The following WDPCP variants were observed in gnomAD, a reference collection of about 807,000 sequenced individuals.
WDPCP encodes the protein WD repeat containing planar cell polarity effector.
In WDPCP, 71 loss-of-function variants were observed where a neutral mutation model predicts 93.1. The ratio of observed to expected loss-of-function variants is 0.76; its 90% CI spans 0.63 to 0.93. WDPCP has a LOEUF of 0.93. WDPCP is among the 40% of genes least tolerant of loss of function. WDPCP has a pLI of 0.00. For missense variants in WDPCP, 844 were observed against 887.4 expected, an observed-to-expected ratio of 0.95 and a Z score of 0.62; for synonymous variants, 315 against 315.0, an observed-to-expected ratio of 1.00 and a Z score of 0.00.
chr2:63,400,129 T>C (rs1246427961), intron 10 of WDPCP, among the ~76,000 whole-genome samples: 1 of 152,218 alleles, frequency 6.6e-6, no homozygotes, highest in Non-Finnish European at 1.5e-5. Context: ...TTTTTACACC[T>C]AAGTGAGGTT....
chr2:63,740,603 T>G (rs959518314), intron 2 of WDPCP, among the ~76,000 whole-genome samples: 1 of 152,180 alleles, frequency 6.6e-6, no homozygotes, highest in African/African-American at 2.4e-5. Context: ...AAGTATATTA[T>G]GAATGGGAAG....
At chr2:63,574,423 A>G (rs990210168) in intron 1 of WDPCP, among the ~76,000 whole-genome samples, 2 of 152,204 alleles carry the variant, frequency 1.3e-5, no homozygotes, top group African/African-American at 4.8e-5. Flanking sequence ...AGCAACTGAA[A>G]TAAGATTAGA....
At position 63,536,827 on chromosome 2, in the gene WDPCP, G is replaced by A. The variant is rs531450074; in HGVS notation, c.76-43887C>T. On this transcript the variant is annotated intron_variant, in intron 1 of 17. Transcript: ENST00000272321. ...GTTACCCAGGCTGGAGTGCAGTGGC[G>A]CGATCTTGGCTCACTGCAACCTTCG... 6.4e-3 allele frequency among the ~76,000 whole-genome samples: 917 copies of A among 142,754 alleles called. 12 individuals carry two copies. The highest frequency in any genetic ancestry group is 0.023 in the African/African-American group (864 of 37,820). The allele number at this position is 142,754 out of a possible 152,430, so 93.7% of individuals were successfully genotyped here.
intron 1 of WDPCP, among the ~76,000 whole-genome samples, chr2:63,562,507 GAACTTAA>G (rs887214930): frequency 6.6e-6 from 1 of 151,930 alleles, no homozygotes; most frequent in African/African-American, 2.4e-5. Flanking sequence ...ATGTATCCTG[GAACTTAA>G]AACTTTAAAA....
At chr2:63,359,358 G>A (rs907063653) in intron 12 of WDPCP, among the ~76,000 whole-genome samples, 7 of 152,164 alleles carry the variant, frequency 4.6e-5, no homozygotes, top group South Asian at 2.1e-4. Flanking sequence ...AATAGGCAAC[G>A]GACATGAAAA....
At chr2:63,563,789 A>C (rs2106428362) in intron 1 of WDPCP, among the ~76,000 whole-genome samples, 1 of 152,236 alleles carries the variant, frequency 6.6e-6, no homozygotes, top group South Asian at 2.1e-4. Flanking sequence ...CTTCTACCAC[A>C]CAGCAAGAAG....
chr2:63,827,990 G>A (rs892767597), upstream of WDPCP: 1 of 152,192 alleles, frequency 6.6e-6, no homozygotes, highest in Non-Finnish European at 1.5e-5. Flanking sequence ...GCAAGAATTT[G>A]AGTCTGGCAC....
chr2:63,188,044 T>C (rs1674771010), intron 14 of WDPCP, among the ~76,000 whole-genome samples: 1 of 152,252 alleles, frequency 6.6e-6, no homozygotes. Flanking sequence ...AGGTTTCTAT[T>C]GAGAAATCTG....
At chr2:63,532,536 T>G (rs184946917) in intron 1 of WDPCP, among the ~76,000 whole-genome samples, 1 of 152,150 alleles carries the variant, frequency 6.6e-6, no homozygotes, top group Non-Finnish European at 1.5e-5. Context: ...CAAGCCAGAA[T>G]ACAGTGGGGG....
At chr2:63,762,498 C>T (rs1207136470) in intron 2 of WDPCP, among the ~76,000 whole-genome samples, 1 of 152,048 alleles carries the variant, frequency 6.6e-6, no homozygotes, top group Non-Finnish European at 1.5e-5. Flanking sequence ...TTTTCTGTTG[C>T]CTATAACAGA....
chr2:63,326,604 AAGAGACAGAGAGAGGAAGAGACAG>A (rs554596051), intron 12 of WDPCP, among the ~76,000 whole-genome samples: 63 of 151,720 alleles, frequency 4.2e-4, no homozygotes, highest in Admixed American at 9.9e-4. Flanking sequence ...GAAAGAGAGA[AAGAGACAGAGAGAGGAAGAGACAG>A]AGAGACAGAG....
At chr2:63,254,546 A>G (rs1013742014) in intron 14 of WDPCP, among the ~76,000 whole-genome samples, 1 of 152,146 alleles carries the variant, frequency 6.6e-6, no homozygotes, top group African/African-American at 2.4e-5. Context: ...AGATAATTAT[A>G]TATTAATATG....
chr2:63,591,763 T>C (rs1709205610), upstream of WDPCP, among the ~76,000 whole-genome samples: 1 of 152,158 alleles, frequency 6.6e-6, no homozygotes, highest in Non-Finnish European at 1.5e-5. Flanking sequence ...GCAACAGAAA[T>C]GTAAATAGAA....
At chr2:63,716,504 C>T in intron 2 of WDPCP, among the ~76,000 whole-genome samples, 1 of 152,086 alleles carries the variant, frequency 6.6e-6, no homozygotes, top group East Asian at 1.9e-4. Context: ...ATGGGGGAGC[C>T]CAACTTTTGA....
chr2:63,386,701 A>T (rs1607202), intron 10 of WDPCP, among the ~76,000 whole-genome samples: 85,488 of 151,816 alleles, frequency 0.56, 24,413 homozygotes, highest in Admixed American at 0.64. Context: ...GAGAAATGAA[A>T]ATATATGTTC....
At chr2:63,389,531 C>T (rs1207743811) in intron 10 of WDPCP, among the ~76,000 whole-genome samples, 1 of 151,960 alleles carries the variant, frequency 6.6e-6, no homozygotes, top group African/African-American at 2.4e-5. Flanking sequence ...GACAGGATCA[C>T]ATTCACACAT....
At chr2:63,455,383 T>C (rs1222908454) in intron 6 of WDPCP, among the ~76,000 whole-genome samples, 2 of 150,206 alleles carry the variant, frequency 1.3e-5, no homozygotes, top group East Asian at 3.9e-4. Flanking sequence ...AACAATATTC[T>C]GCCTCTAAGA....
intron 14 of WDPCP, among the ~76,000 whole-genome samples, chr2:63,199,584 G>C (rs963691826): frequency 3.3e-5 from 5 of 152,256 alleles, no homozygotes; most frequent in Non-Finnish European, 5.9e-5. Context: ...AAGCCTGCAG[G>C]TGCACAGTGT....
At chr2:63,186,342 G>A (rs566745770) in intron 14 of WDPCP, among the ~76,000 whole-genome samples, 114 of 152,044 alleles carry the variant, frequency 7.5e-4, no homozygotes, top group African/African-American at 2.7e-3. Context: ...CTCAGTTCTG[G>A]ATGTGGGGGC....
Sources: gnomAD v4.1 joint callset for allele counts (sites outside exome capture counted in the v4.1 genomes callset) on GRCh38, gnomAD v4.1.1 for gene constraint, MANE v1.5 for transcripts, NCBI Gene and HGNC (gene_info 2026-07-23, HGNC 2026-07-21) for gene names.